Variants in RBFOX1 observed in about 807,000 individuals in gnomAD.
RBFOX1 encodes RNA binding protein fox-1 homolog 1.
Under a neutral mutation model 57.7 loss-of-function variants are expected in RBFOX1, and 8 were observed. That is an observed-to-expected ratio of 0.14 (90% CI 0.08 to 0.25). RBFOX1 has a LOEUF of 0.25. Ranked by LOEUF, RBFOX1 falls within the 10% of genes least tolerant of loss-of-function variation. The pLI, the probability that RBFOX1 is intolerant of heterozygous loss-of-function variation, is 1.00. For synonymous variants in RBFOX1, 326 were observed against 222.4 expected (o/e 1.47, Z -4.15); for missense variants, 611 against 548.5 (o/e 1.11, Z -1.14).
At chr16:6,284,539 C>G (rs1161039811) in intron 1 of RBFOX1, among the ~76,000 whole-genome samples, 2 of 152,112 alleles carry the variant, frequency 1.3e-5, no homozygotes, top group Non-Finnish European at 2.9e-5. Flanking sequence ...CCATTTTTAT[C>G]ACCTGTTTGC....
At chr16:5,995,398 T>C (rs1433543379) in intron 4 of RBFOX1, among the ~76,000 whole-genome samples, 1 of 152,146 alleles carries the variant, frequency 6.6e-6, no homozygotes, top group Non-Finnish European at 1.5e-5. Context: ...GCCATGAATT[T>C]TAGAGTCCTA....
rs557736139 is a variant in RBFOX1 at position 5,485,373 on chromosome 16, A to G, written c.258+18119A>G. ...AAAAAAAAAAAAAAAAAAAAAGTGA[A>G]TAAGTTCAGCTATTACTCAACGGAA... is the stretch of plus-strand genomic sequence containing the variant. On this transcript the variant is annotated intron_variant, in intron 2 of 2. Coordinates refer to the RBFOX1 transcript ENST00000585867. 1.4e-3 allele frequency among the ~76,000 whole-genome samples: 203 copies of G among 150,278 alleles called. 3 individuals carry two copies. Among genetic ancestry groups the G allele is most frequent in the Non-Finnish European group, 2.3e-3 (155 of 67,602 alleles).
At chr16:5,428,006 G>T (rs1395113215) in intron 1 of RBFOX1, among the ~76,000 whole-genome samples, 1 of 152,202 alleles carries the variant, frequency 6.6e-6, no homozygotes, top group Non-Finnish European at 1.5e-5. Context: ...TGTGGGTCTG[G>T]ATGCTGCGGT....
intron 2 of RBFOX1, among the ~76,000 whole-genome samples, chr16:6,384,185 A>G (rs914588618): frequency 2.7e-5 from 4 of 150,532 alleles, no homozygotes; most frequent in African/African-American, 9.8e-5. Context: ...ACCATGCTTT[A>G]TGCTGAAATT....
Position 6,859,175 on chromosome 16 carries a change from GTATATATATGTA to G in RBFOX1, c.-15-192860_-15-192849del, listed in dbSNP as rs60799915. On this transcript the variant is annotated intron_variant, in intron 3 of 15. Coordinates refer to ENST00000550418, the MANE Select transcript of RBFOX1 (RefSeq NM_018723.4). ...TATGTATATATATACGTATATATATGTATATATATGTATATATATATGTATATATATATATAC... is the reference window on the plus strand; with the variant it reads ...TATGTATATATATACGTATATATATGTATATATATGTATATATATATATAC... Among the ~76,000 whole-genome samples, 169 of 66,310 alleles carry G rather than the reference GTATATATATGTA, an allele frequency of 2.5e-3. 3 individuals carry two copies. Among genetic ancestry groups the G allele is most frequent in the African/African-American group, 8.8e-3 (111 of 12,548 alleles). The allele number at this position is 66,310 out of a possible 152,430, so 43.5% of individuals were successfully genotyped here. A position where few individuals can be genotyped will look rare whatever the true frequency, so the allele number is the denominator to read the frequency against.
intron 2 of RBFOX1, among the ~76,000 whole-genome samples, chr16:6,565,071 T>C (rs1381541211): frequency 2.7e-5 from 4 of 145,598 alleles, no homozygotes; most frequent in Non-Finnish European, 4.5e-5. Context: ...ACAGAGGTTG[T>C]AGTGAGCAGA....
chr16:6,591,213 A>T (rs1237915374), intron 2 of RBFOX1, among the ~76,000 whole-genome samples: 1 of 152,188 alleles, frequency 6.6e-6, no homozygotes, highest in African/African-American at 2.4e-5. Context: ...TGGGAGGCCA[A>T]GGAGGGTGGA....
At chr16:6,399,047 G>C (rs2092957887) in intron 2 of RBFOX1, among the ~76,000 whole-genome samples, 2 of 152,190 alleles carry the variant, frequency 1.3e-5, no homozygotes, top group South Asian at 2.1e-4. Flanking sequence ...CTTGTCTTCT[G>C]TGCACCCACA....
chr16:7,311,471 G>C (rs1282951014), intron 4 of RBFOX1, among the ~76,000 whole-genome samples: 1 of 123,076 alleles, frequency 8.1e-6, no homozygotes, highest in Non-Finnish European at 1.6e-5. Flanking sequence ...GTCTTGATGA[G>C]CCTTTTCTTT....
At chr16:7,142,477 A>T (rs911048891) in intron 4 of RBFOX1, among the ~76,000 whole-genome samples, 1 of 152,136 alleles carries the variant, frequency 6.6e-6, no homozygotes, top group African/African-American at 2.4e-5. Context: ...TCCCTGGAAC[A>T]ATTTAAGATT....
In RBFOX1 at chr16:5,582,356, C is replaced by T. The variant is rs552054538; in HGVS notation, c.259-16546C>T. ...CTCACCTTCCACACAGGGCATTGGA[C>T]TGGAGCCGGTGGAAAACATGGACCA... On this transcript the variant is annotated intron_variant, in intron 2 of 2. Transcript: ENST00000585867. 5.3e-5 allele frequency among the ~76,000 whole-genome samples: 8 copies of T among 152,236 alleles called. No homozygotes were observed. In the South Asian group the frequency reaches 1.5e-3, roughly 28 times the overall value.
chr16:5,700,983 A>G (rs2051025962), intron 3 of RBFOX1, among the ~76,000 whole-genome samples: 1 of 152,242 alleles, frequency 6.6e-6, no homozygotes, highest in African/African-American at 2.4e-5. Flanking sequence ...TCCAAAAGGT[A>G]GAATGACACT....
chr16:5,448,782 A>C (rs998523154), intron 1 of RBFOX1, among the ~76,000 whole-genome samples: 6 of 152,246 alleles, frequency 3.9e-5, no homozygotes, highest in Non-Finnish European at 7.3e-5. Context: ...TTTTGAGCAC[A>C]AATTCGGTGC....
In RBFOX1 at chr16:5,372,010, A is replaced by T. The variant is rs192009646; in HGVS notation, c.220-95206A>T. Among the ~76,000 whole-genome samples, 70 of 152,236 alleles carry T rather than the reference A, an allele frequency of 4.6e-4. No individual in the cohort carries two copies. The East Asian group carries it at 0.011, about 23-fold the overall frequency. On this transcript the variant is annotated intron_variant, in intron 1 of 2. Transcript: ENST00000585867. ...AGAGAGCTGTCCTCATAAGGGGGGA[A>T]TCCTCTTTTAAGATGCTCATGATTT...
chr16:7,217,370 A>G (rs1008756912), intron 4 of RBFOX1, among the ~76,000 whole-genome samples: 5 of 129,476 alleles, frequency 3.9e-5, no homozygotes, highest in African/African-American at 6.0e-5. Context: ...ACCTTAGGTG[A>G]TGTCCACCTT....
rs76468883 is a variant in RBFOX1 at position 5,829,008 on chromosome 16, T to G, written c.319-38295T>G. On this transcript the variant is annotated intron_variant, in intron 3 of 19. Transcript: ENST00000641259. ...TGCAGTTGAAGTGTATTGCTAGGGC[T>G]GCAGATATCCGAAGACCTGGCCAAG... Among the ~76,000 whole-genome samples, 422 of 152,292 alleles carry G rather than the reference T, an allele frequency of 2.8e-3. 1 individual carries two copies. The highest frequency in any genetic ancestry group is 5.9e-3 in the Admixed American group (91 of 15,298).
At chr16:6,024,990 T>C (rs2095159819) in intron 1 of RBFOX1, among the ~76,000 whole-genome samples, 1 of 152,212 alleles carries the variant, frequency 6.6e-6, no homozygotes, top group Admixed American at 6.5e-5. Context: ...GCTGGAATAG[T>C]GACAAAATCA....
chr16:5,361,833 A>G (rs2065560482), intron 1 of RBFOX1, among the ~76,000 whole-genome samples: 1 of 152,174 alleles, frequency 6.6e-6, no homozygotes, highest in Non-Finnish European at 1.5e-5. Context: ...AGACATAGAG[A>G]AAGTACTTCT....
At chr16:6,524,174 C>A (rs1287788609) in intron 2 of RBFOX1, among the ~76,000 whole-genome samples, 1 of 152,192 alleles carries the variant, frequency 6.6e-6, no homozygotes, top group South Asian at 2.1e-4. Flanking sequence ...GTAACCATCC[C>A]TGTACTCTCT....
Sources: gnomAD v4.1 joint callset for allele counts (sites outside exome capture counted in the v4.1 genomes callset) on GRCh38, gnomAD v4.1.1 for gene constraint, MANE v1.5 for transcripts, NCBI Gene and HGNC (gene_info 2026-07-23, HGNC 2026-07-21) for gene names.